The following KCNH2 variants were observed in gnomAD, a reference collection of about 807,000 sequenced individuals.
KCNH2 encodes voltage-gated inwardly rectifying potassium channel KCNH2.
A neutral mutation model predicts 95.9 loss-of-function variants in KCNH2; 35 were observed. That is an observed-to-expected ratio of 0.37 (90% CI 0.28 to 0.48). The LOEUF (loss-of-function observed/expected upper bound fraction) is 0.48. Among genes scored for constraint, KCNH2 ranks in the 20% least tolerant of loss-of-function variants. The pLI is 0.99. For missense variants in KCNH2, 1,274 were observed against 1,702.9 expected (o/e 0.75, Z 4.43); for synonymous variants, 786 against 754.7 (o/e 1.04, Z -0.68).
rs1801131066 is a variant in KCNH2 at position 150,951,024 on chromosome 7, C to T, written c.2042G>A (p.Arg681Gln). ...GATCTGGTGGAAGCGGATGAACTCC[C>T]GCACCCGCAGCATCTGTGTGTGGTA... ...ARYHTQMLRV[R>Q]EFIRFHQIPN... Residue 681 changes from arginine to glutamine, a missense_variant, in exon 8 of 15, where the codon CGG becomes CAG. This residue lies in a region of KCNH2 where 159 missense variants were observed against 282.5 expected (regional missense o/e 0.56). Coordinates refer to ENST00000262186, the MANE Select transcript of KCNH2 (RefSeq NM_000238.4). The T allele has an allele frequency of 1.2e-6, 2 of 1,614,220 alleles. No homozygotes were observed. Among genetic ancestry groups the T allele is most frequent in the Non-Finnish European group, 1.7e-6 (2 of 1,180,032 alleles).
Position 150,957,409 on chromosome 7 carries a change from G to C in KCNH2, c.1010C>G (p.Thr337Ser), listed in dbSNP as rs41311018. 4.3e-6 allele frequency: 7 copies of C among 1,614,058 alleles called. No homozygotes were observed. In the Admixed American group the frequency reaches 6.7e-5, roughly 15 times the overall value. The change falls in exon 5 of 15, where the codon ACC becomes AGC. Residue 337 changes from threonine (T) to serine (S), a missense_variant. Around this residue, in one of 7 missense-constraint regions of KCNH2, gnomAD observed 392 missense variants for 429.9 expected, o/e 0.91. Transcript: ENST00000262186. Reference sequence around the variant, plus strand: ...GCCCTTGAGGTCCACAAAGTTGAGGGTGATTTGGGGAATCTTGCTAATGGT... The same window carrying C: ...GCCCTTGAGGTCCACAAAGTTGAGGCTGATTTGGGGAATCTTGCTAATGGT... ...YRTISKIPQI[T>S]LNFVDLKGDP...
Position 150,964,890 on chromosome 7 carries a change from G to A in KCNH2, c.308-5154C>T, listed in dbSNP as rs531738603. On this transcript the variant is annotated intron_variant, in intron 2 of 14. Transcript: ENST00000262186. ...GCGACAGGAAGATGCAGCAGGAGCC[G>A]CTCCTGGCAGGGGGCCACCGTGTCA... 2.0e-4 allele frequency among the ~76,000 whole-genome samples: 30 copies of A among 152,322 alleles called. No individual in the cohort carries two copies. The East Asian group carries it at 5.4e-3, about 27-fold the overall frequency.
Position 150,946,195 on chromosome 7 carries a change from G to A in KCNH2, c.3331-681C>T, listed in dbSNP as rs964048290. Among the ~76,000 whole-genome samples, 12 of 151,778 alleles carry A rather than the reference G, an allele frequency of 7.9e-5. No individual in the cohort carries two copies. The highest frequency in any genetic ancestry group is 2.1e-4 in the South Asian group (1 of 4,814). On this transcript the variant is annotated intron_variant, in intron 14 of 14. Coordinates refer to ENST00000262186, the MANE Select transcript of KCNH2 (RefSeq NM_000238.4). This position sits in a 1 kb window ranked among gnomAD's most constrained non-coding sequence, Gnocchi z 6.5. ...AGCCAGAGGAGTCCCCACCATGGACGCGGAGGTTGACACAGACACCGCCAT... is the reference window on the plus strand; with the variant it reads ...AGCCAGAGGAGTCCCCACCATGGACACGGAGGTTGACACAGACACCGCCAT...
intron 9 of KCNH2, chr7:150,949,908 G>T (rs1563152206): frequency 6.8e-7 from 1 of 1,479,082 alleles, no homozygotes; most frequent in African/African-American, 1.4e-5. Context: ...CCTACTTTAA[G>T]GAAGCAAAAA....
rs767723985 is a variant in KCNH2, at chr7:150,952,640, C to A, written c.1342G>T (p.Ala448Ser). Residue 448 changes from alanine (A) to serine (S), a missense_variant, in exon 6 of 15, where the codon GCC (alanine) becomes TCC (serine). Coordinates refer to ENST00000262186, the MANE Select transcript of KCNH2 (RefSeq NM_000238.4). The surrounding 1 kb of genome is among the most constrained non-coding windows in gnomAD (Gnocchi z 7.3). ...TCCACCACAGCCAGCGGCTGGCAGG[C>A]GTAGCCACACTCGGTAGCAGGCGGG... ...EGPPATECGYACQPLAVVDLI... is the reference protein window; with the variant it reads ...EGPPATECGYSCQPLAVVDLI... 112 of 1,614,000 alleles carry A rather than the reference C, an allele frequency of 6.9e-5. 1 individual carries two copies. In the South Asian group the frequency reaches 1.1e-3, roughly 16 times the overall value.
intron 2 of KCNH2, among the ~76,000 whole-genome samples, chr7:150,972,315 C>T (rs2117054738): frequency 6.6e-6 from 1 of 152,362 alleles, no homozygotes; most frequent in East Asian, 1.9e-4. Context: ...AAGGCCTGGA[C>T]AGAAACAAGG....
intron 5 of KCNH2, 83 bp downstream of exon 5, chr7:150,957,208 C>T: frequency 1.7e-6 from 2 of 1,201,668 alleles, no homozygotes; most frequent in Non-Finnish European, 2.4e-6. Flanking sequence ...GCCCCCTCCA[C>T]CCGGCTCTGG....
chr7:150,947,999 C>A, intron 11 of KCNH2, 121 bp from the exon 12 acceptor site: 1 of 1,217,684 alleles, frequency 8.2e-7, no homozygotes, highest in South Asian at 1.6e-5. Context: ...TGGTTTGTCC[C>A]CAGTCGCTTC....
At chr7:150,955,209 T>TA (rs1801325262) in intron 5 of KCNH2, among the ~76,000 whole-genome samples, 1 of 152,214 alleles carries the variant, frequency 6.6e-6, no homozygotes, top group South Asian at 2.1e-4. Flanking sequence ...GGAAACTCTG[T>TA]AAGCCCAGCC....
At chr7:150,948,038 C>T (rs1448578257) in intron 11 of KCNH2, among the ~76,000 whole-genome samples, 160 bp from the exon 12 acceptor site, 1 of 152,212 alleles carries the variant, frequency 6.6e-6, no homozygotes, top group Admixed American at 6.5e-5. Context: ...ACTGTCAAGC[C>T]GACCAAGAAC....
chr7:150,947,686 C>T lies in KCNH2; in HGVS notation c.2885G>A (p.Arg962Lys). 6.2e-7 allele frequency: 1 copy of T among 1,600,846 alleles called. No homozygotes were observed. Among genetic ancestry groups the T allele is most frequent in the Non-Finnish European group, 8.5e-7 (1 of 1,174,516 alleles). Reference protein sequence around the residue: ...PLRLVPFSSPRPPGEPPGGEP... With the variant: ...PLRLVPFSSPKPPGEPPGGEP... The stretch of plus-strand genomic sequence containing the variant: ...CCCACCCGGCGGCTCTCCGGGGGGC[C>T]TGGGGCTGGAGAAGGGCACCAGGCG... The change falls in exon 12 of 15, where the codon AGG (arginine) becomes AAG (lysine). Residue 962 changes from arginine (R) to lysine (K), a missense_variant. Around this residue, in one of 7 missense-constraint regions of KCNH2, gnomAD observed 457 missense variants for 416.1 expected, o/e 1.10. Transcript: ENST00000262186.
rs910770811 is a variant in KCNH2 at position 150,955,725 on chromosome 7, T to C, written c.1128+1566A>G. The C allele has an allele frequency of 1.9e-5, 25 of 1,323,302 alleles. 1 individual carries two copies. The South Asian group carries it at 5.3e-4, about 28-fold the overall frequency. The allele number at this position is 1,323,302 out of a possible 1,614,324, so 82.0% of individuals were successfully genotyped here. The stretch of plus-strand genomic sequence containing the variant: ...GGGCAGCAGCCTGCCTGGCTCGAGC[T>C]GCCCATGGCCCCGTGGCGTGGGCCC... On this transcript the variant is annotated intron_variant, in intron 5 of 14. Transcript: ENST00000262186.
Position 150,952,401 on chromosome 7 carries a change from C to T in KCNH2, c.1557+24G>A. On this transcript the variant is annotated intron_variant, in intron 6 of 14. Coordinates refer to ENST00000262186, the MANE Select transcript of KCNH2 (RefSeq NM_000238.4). The surrounding 1 kb of genome is among the most constrained non-coding windows in gnomAD (Gnocchi z 7.3). ...TTCCTGGCCTCTCCTCTCCCTACACCACCTGCCTCCTTGCTGACCCCACCT... is the reference window on the plus strand; with the variant it reads ...TTCCTGGCCTCTCCTCTCCCTACACTACCTGCCTCCTTGCTGACCCCACCT... 6.2e-7 allele frequency: 1 copy of T among 1,611,514 alleles called. No homozygotes were observed. The highest frequency in any genetic ancestry group is 8.5e-7 in the Non-Finnish European group (1 of 1,178,624).
chr7:150,949,177 C>G (rs1801039979), intron 9 of KCNH2, 128 bp from the exon 10 acceptor site: 1 of 1,117,034 alleles, frequency 9.0e-7, no homozygotes, highest in Non-Finnish European at 1.3e-6. Context: ...CCAGCCGGCC[C>G]CCAACCCACA....
rs754883792 is a variant in KCNH2, at chr7:150,945,397, G to T, written c.3448C>A (p.Leu1150Met). 35 of 1,587,108 alleles carry T rather than the reference G, an allele frequency of 2.2e-5. No individual in the cohort carries two copies. The Middle Eastern group carries it at 4.3e-3, about 197-fold the overall frequency. Residue 1150 changes from leucine to methionine, a missense_variant, in exon 15 of 15, where the codon CTG (leucine) becomes ATG (methionine). Around this residue, in one of 7 missense-constraint regions of KCNH2, gnomAD observed 457 missense variants for 416.1 expected, o/e 1.10. Coordinates refer to ENST00000262186, the MANE Select transcript of KCNH2 (RefSeq NM_000238.4). The surrounding 1 kb of genome is among the most constrained non-coding windows in gnomAD (Gnocchi z 5.6). Reference sequence around the variant, plus strand: ...CCCGGGTCCGAGCCGTGTCTGTGCAGGGGCTGGGAGGTGAGGGCCCCCAGC... The same window carrying T: ...CCCGGGTCCGAGCCGTGTCTGTGCATGGGCTGGGAGGTGAGGGCCCCCAGC... ...GQLGALTSQP[L>M]HRHGSDPGS
intron 10 of KCNH2, 34 bp downstream of exon 10, chr7:150,948,819 CAGG>C: frequency 6.3e-7 from 1 of 1,590,386 alleles, no homozygotes; most frequent in Non-Finnish European, 8.6e-7. Flanking sequence ...CAGCTGGAAG[CAGG>C]AGGATGGGGT....
At chr7:150,955,529 C>T (rs901572029) in intron 5 of KCNH2, 12 of 1,534,452 alleles carry the variant, frequency 7.8e-6, no homozygotes, top group Non-Finnish European at 1.1e-5. Flanking sequence ...CTGCAGCCTG[C>T]CTGCCCTGGG....
chr7:150,945,198 C>T lies in KCNH2; in HGVS notation c.*167G>A. On this transcript the variant is annotated 3_prime_UTR_variant, in exon 15 of 15. Coordinates refer to ENST00000262186, the MANE Select transcript of KCNH2 (RefSeq NM_000238.4). The surrounding 1 kb of genome is among the most constrained non-coding windows in gnomAD (Gnocchi z 5.6). ...CTGCCCCTGCCCCTCTCACTGGGGC[C>T]CAGGGGACTGCAGGAGAAGATGGTC... 1 of 755,232 alleles carries T rather than the reference C, an allele frequency of 1.3e-6. No individual in the cohort carries two copies. Among genetic ancestry groups the T allele is most frequent in the Non-Finnish European group, 2.1e-6 (1 of 478,998 alleles). 46.8% of individuals were successfully genotyped at this position (755,232 alleles called of 1,614,324 possible).
At chr7:150,968,626 A>G (rs1377458781) in intron 2 of KCNH2, among the ~76,000 whole-genome samples, 1 of 152,228 alleles carries the variant, frequency 6.6e-6, no homozygotes, top group African/African-American at 2.4e-5. Context: ...TGGGGAGGGT[A>G]ATGAGACTGG....
Sources: allele counts gnomAD v4.1 joint callset (sites outside exome capture counted in the v4.1 genomes callset), GRCh38; gene constraint gnomAD v4.1.1; regional missense constraint gnomAD v4.1.1; non-coding constraint Gnocchi (gnomAD v3.1); transcripts MANE v1.5; gene names NCBI Gene and HGNC (gene_info 2026-07-23, HGNC 2026-07-21).